Variants in PIBF1 observed in about 807,000 individuals in gnomAD.
The protein encoded by PIBF1 is progesterone-induced-blocking factor 1.
PIBF1 carries 90 observed loss-of-function variants against 112.5 expected under a neutral mutation model. That is an observed-to-expected ratio of 0.80 (90% confidence interval 0.67 to 0.95). PIBF1 has a LOEUF of 0.95. Ranked by LOEUF, PIBF1 falls within the 40% of genes least tolerant of loss-of-function variation. PIBF1 has a pLI of 0.00. For missense variants in PIBF1, 915 were observed against 852.3 expected (o/e 1.07, Z -0.92); for synonymous variants, 301 against 288.6 (o/e 1.04, Z -0.44).
At chr13:72,870,036 C>A (rs1291219870) in intron 10 of PIBF1, among the ~76,000 whole-genome samples, 1 of 151,878 alleles carries the variant, frequency 6.6e-6, no homozygotes, top group Non-Finnish European at 1.5e-5. Flanking sequence ...TTTTTAATTG[C>A]AGATACCATC....
At chr13:72,897,391 T>C (rs554616042) in intron 11 of PIBF1, among the ~76,000 whole-genome samples, 1 of 152,030 alleles carries the variant, frequency 6.6e-6, no homozygotes, top group Admixed American at 6.5e-5. Flanking sequence ...AAAATACAAG[T>C]TAAAAATCAA....
rs188613535 is a variant in PIBF1 at position 72,841,045 on chromosome 13, A to T, written c.1223+5677A>T. On this transcript the variant is annotated intron_variant, in intron 9 of 17. Coordinates refer to ENST00000326291, the MANE Select transcript of PIBF1 (RefSeq NM_006346.4). ...TAAAGTATTGAGAGAAAAGAAAGAG[A>T]GTAGAAGATATAAAGACTTAAGAAA... Among the ~76,000 whole-genome samples the T allele has an allele frequency of 2.4e-4, 37 of 152,322 alleles. No individual in the cohort carries two copies. The East Asian group carries it at 6.6e-3, about 27-fold the overall frequency.
chr13:72,877,128 T>G (rs188552023), intron 10 of PIBF1, among the ~76,000 whole-genome samples: 2 of 152,302 alleles, frequency 1.3e-5, no homozygotes, highest in East Asian at 1.9e-4. Flanking sequence ...CTACATCTAT[T>G]GACAGGATCA....
chr13:73,013,129 G>A (rs9600058), intron 17 of PIBF1, among the ~76,000 whole-genome samples: 2,831 of 150,520 alleles, frequency 0.019, 29 homozygotes, highest in Middle Eastern at 0.034. Context: ...GTGAAACCCC[G>A]TCTCTACTAA....
At chr13:73,003,891 T>G (rs1181586646) in intron 17 of PIBF1, among the ~76,000 whole-genome samples, 1 of 151,974 alleles carries the variant, frequency 6.6e-6, no homozygotes, top group Non-Finnish European at 1.5e-5. Context: ...CTTTATTTTT[T>G]GTAGAGACAG....
intron 9 of PIBF1, among the ~76,000 whole-genome samples, chr13:72,840,476 T>C (rs2037558207): frequency 6.6e-6 from 1 of 152,038 alleles, no homozygotes; most frequent in Admixed American, 6.6e-5. Flanking sequence ...GATGAAGTAC[T>C]TACACTTGCA....
rs1031819254 is a variant in PIBF1 at position 72,782,162 on chromosome 13, G to C, written c.-235G>C. 3.5e-6 allele frequency: 1 copy of C among 284,130 alleles called. No individual in the cohort carries two copies. The highest frequency in any genetic ancestry group is 2.2e-5 in the African/African-American group (1 of 46,086). The allele number at this position is 284,130 out of a possible 1,614,324, so 17.6% of individuals were successfully genotyped here. On this transcript the variant is annotated 5_prime_UTR_variant, in exon 1 of 18. Transcript: ENST00000326291. ...TTGACTTCCGGCGGCTTGTGGGAGT[G>C]CTGGTTCTGTCCTCCTTGCGGGTGC...
intron 10 of PIBF1, among the ~76,000 whole-genome samples, chr13:72,861,909 A>C (rs1264567402): frequency 1.3e-5 from 2 of 152,222 alleles, no homozygotes; most frequent in African/African-American, 4.8e-5. Context: ...TATAGAAATA[A>C]AAAGGAATGG....
intron 5 of PIBF1, among the ~76,000 whole-genome samples, chr13:72,807,803 A>G (rs968856169): frequency 6.6e-6 from 1 of 152,200 alleles, no homozygotes; most frequent in Non-Finnish European, 1.5e-5. Flanking sequence ...CACCTGCCCC[A>G]GAGTGTAATT....
chr13:72,926,502 GTCT>G (rs1195816711), intron 13 of PIBF1, among the ~76,000 whole-genome samples: 1 of 152,166 alleles, frequency 6.6e-6, no homozygotes, highest in African/African-American at 2.4e-5. Context: ...AATGACTGTA[GTCT>G]TCTTCCTTCT....
intron 16 of PIBF1, among the ~76,000 whole-genome samples, chr13:72,988,889 T>A (rs1287781195): frequency 6.6e-6 from 1 of 151,964 alleles, no homozygotes; most frequent in African/African-American, 2.4e-5. Context: ...ATACAAAAAA[T>A]TAGCCAGAAG....
rs563922782 is a variant in PIBF1 at position 72,995,526 on chromosome 13, T to TG, written c.2050-3291dup. On this transcript the variant is annotated intron_variant, in intron 16 of 17. Transcript: ENST00000326291. ...TAGTACATTATAAAGATGGCATCAG[T>TG]GGGGGAAAAAATGGTCTCTTCAGTA... Among the ~76,000 whole-genome samples, 107 of 151,584 alleles carry TG rather than the reference T, an allele frequency of 7.1e-4. 1 individual carries two copies. Among genetic ancestry groups the TG allele is most frequent in the African/African-American group, 2.6e-3 (107 of 41,430 alleles).
intron 16 of PIBF1, among the ~76,000 whole-genome samples, chr13:72,987,231 T>TAC (rs1297845308): frequency 6.6e-6 from 1 of 151,638 alleles, no homozygotes; most frequent in Non-Finnish European, 1.5e-5. Context: ...AGAGATTTGT[T>TAC]ACACATGTCT....
intron 14 of PIBF1, among the ~76,000 whole-genome samples, chr13:72,943,999 A>G (rs1197574980): frequency 1.3e-5 from 2 of 152,192 alleles, no homozygotes; most frequent in Admixed American, 6.5e-5. Context: ...CACTCGGTAA[A>G]TGTAGGATCT....
At chr13:72,783,329 T>C in intron 1 of PIBF1, 94 bp from the exon 2 acceptor site, 1 of 629,464 alleles carries the variant, frequency 1.6e-6, no homozygotes, top group Non-Finnish European at 2.7e-6. Context: ...TGCCTAATAT[T>C]TATTTAAGGA....
At chr13:72,816,035 T>TTTG (rs1188622539) in intron 5 of PIBF1, among the ~76,000 whole-genome samples, 2 of 152,216 alleles carry the variant, frequency 1.3e-5, no homozygotes, top group Non-Finnish European at 2.9e-5. Flanking sequence ...GTTACAGTAG[T>TTTG]TTGCTGAATA....
At chr13:72,980,316 T>C (rs2043125051) in intron 16 of PIBF1, among the ~76,000 whole-genome samples, 1 of 151,786 alleles carries the variant, frequency 6.6e-6, no homozygotes, top group African/African-American at 2.4e-5. Context: ...GGGAAGGGCA[T>C]AGGAAAAAGT....
chr13:72,892,225 G>A (rs758826195), intron 10 of PIBF1, among the ~76,000 whole-genome samples: 1 of 152,008 alleles, frequency 6.6e-6, no homozygotes, highest in Non-Finnish European at 1.5e-5. Context: ...ATATAAAAAG[G>A]TATTTTTTAA....
At chr13:72,887,900 A>G (rs1448146121) in intron 10 of PIBF1, among the ~76,000 whole-genome samples, 3 of 152,184 alleles carry the variant, frequency 2.0e-5, no homozygotes, top group Admixed American at 6.6e-5. Flanking sequence ...AAAGAAACAC[A>G]TCAGAATATA....
Sources: allele counts gnomAD v4.1 joint callset (sites outside exome capture counted in the v4.1 genomes callset), GRCh38; gene constraint gnomAD v4.1.1; transcripts MANE v1.5; gene names NCBI Gene and HGNC (gene_info 2026-07-23, HGNC 2026-07-21).